PATJ: variants seen among roughly 807,000 people sequenced by gnomAD.
PATJ encodes inaD-like protein.
PATJ carries 190 observed loss-of-function variants against 224.9 expected under a neutral mutation model. The ratio of observed to expected loss-of-function variants is 0.84; its 90% CI spans 0.75 to 0.95. The LOEUF (loss-of-function observed/expected upper bound fraction) is 0.95, where lower values mean the gene tolerates loss of function less well. Among genes scored for constraint, PATJ ranks in the 40% least tolerant of loss-of-function variants. The pLI is 0.00. For synonymous variants in PATJ, 769 were observed against 820.3 expected (o/e 0.94, Z 1.07); for missense variants, 2,121 against 2,270.3 (o/e 0.93, Z 1.34).
intron 15 of PATJ, 147 bp downstream of exon 15, chr1:61,823,226 G>C: frequency 1.4e-6 from 1 of 710,600 alleles, no homozygotes; most frequent in Non-Finnish European, 2.3e-6. Flanking sequence ...CAGCTTACTG[G>C]ATGATAAAGG....
intron 7 of PATJ, among the ~76,000 whole-genome samples, chr1:61,775,931 C>T (rs1213784480): frequency 1.3e-5 from 2 of 152,056 alleles, no homozygotes; most frequent in African/African-American, 2.4e-5. Context: ...TAATAATAAG[C>T]CCATATCATA....
chr1:61,932,349 G>A (rs1404256745), intron 27 of PATJ, among the ~76,000 whole-genome samples: 2 of 152,194 alleles, frequency 1.3e-5, no homozygotes, highest in African/African-American at 4.8e-5. Context: ...GAGCCCATAA[G>A]TTTACTTAGG....
chr1:61,753,554 G>A (rs951289264), intron 1 of PATJ, among the ~76,000 whole-genome samples: 17 of 151,144 alleles, frequency 1.1e-4, no homozygotes, highest in African/African-American at 3.9e-4. Flanking sequence ...ACTCTGTCAC[G>A]GCTGGAGTGC....
chr1:61,873,858 C>G (rs1013141194), intron 20 of PATJ, among the ~76,000 whole-genome samples: 2 of 152,196 alleles, frequency 1.3e-5, no homozygotes, highest in South Asian at 2.1e-4. Context: ...GAATTTGTGT[C>G]TTATGCAGGG....
intron 21 of PATJ, among the ~76,000 whole-genome samples, chr1:61,884,025 T>C (rs1046272575): frequency 3.9e-5 from 6 of 152,088 alleles, no homozygotes; most frequent in African/African-American, 1.4e-4. Flanking sequence ...CCGACTTCTG[T>C]TGAACAATTC....
chr1:61,798,044 G>A (rs1363391599), intron 11 of PATJ, among the ~76,000 whole-genome samples: 2 of 152,158 alleles, frequency 1.3e-5, no homozygotes, highest in Non-Finnish European at 2.9e-5. Context: ...GACCTCAGGT[G>A]ATCTGCCTGC....
intron 27 of PATJ, among the ~76,000 whole-genome samples, chr1:61,970,504 A>G (rs1682818236): frequency 6.6e-6 from 1 of 152,058 alleles, no homozygotes; most frequent in African/African-American, 2.4e-5. Context: ...TTTTACTGCC[A>G]TGAAAATCCT....
chr1:61,950,072 C>G (rs1442594215), intron 27 of PATJ, among the ~76,000 whole-genome samples: 3 of 152,108 alleles, frequency 2.0e-5, no homozygotes, highest in African/African-American at 7.2e-5. Context: ...GGTGTGGTGG[C>G]ACGTGCCTGT....
chr1:61,913,311 T>C (rs1490226983), intron 25 of PATJ, among the ~76,000 whole-genome samples: 3 of 152,148 alleles, frequency 2.0e-5, no homozygotes, highest in Non-Finnish European at 2.9e-5. Flanking sequence ...TGTGGCTCAC[T>C]GTAGCCTCGA....
At chr1:61,973,605 T>G (rs150827420) in intron 27 of PATJ, among the ~76,000 whole-genome samples, 21 of 152,162 alleles carry the variant, frequency 1.4e-4, no homozygotes, top group Non-Finnish European at 2.6e-4. Flanking sequence ...GCGGAGCTCT[T>G]GTTGAGCATT....
Position 61,777,668 on chromosome 1 carries a change from ATATTC to A in PATJ, c.849+2339_849+2343del, listed in dbSNP as rs369918743. 2.3e-3 allele frequency among the ~76,000 whole-genome samples: 311 copies of A among 134,436 alleles called. 1 individual carries two copies. Among genetic ancestry groups the A allele is most frequent in the African/African-American group, 9.3e-3 (300 of 32,418 alleles). 88.2% of individuals were successfully genotyped at this position (134,436 alleles called of 152,430 possible). ...GGAAGGTCTGCATAACTGTGAATGG[ATATTC>A]TATTTTCTTCCTTTTTTCTTTCTTT... On this transcript the variant is annotated intron_variant, in intron 7 of 43. Transcript: ENST00000642238.
chr1:61,816,535 T>C (rs547819214), intron 14 of PATJ: 3 of 152,284 alleles, frequency 2.0e-5, no homozygotes, highest in Admixed American at 6.5e-5. Flanking sequence ...AAAAATAAAT[T>C]TATAAAAAAA....
intron 31 of PATJ, among the ~76,000 whole-genome samples, chr1:62,075,829 AATG>A (rs1269483608): frequency 6.6e-6 from 1 of 151,912 alleles, no homozygotes; most frequent in Non-Finnish European, 1.5e-5. Context: ...GAGGCAGGAG[AATG>A]ATGTGAACCC....
At chr1:62,010,111 A>G (rs546101118) in intron 28 of PATJ, among the ~76,000 whole-genome samples, 1 of 151,706 alleles carries the variant, frequency 6.6e-6, no homozygotes, top group African/African-American at 2.4e-5. Flanking sequence ...GAAAGAAAGA[A>G]ACCAGTTTCT....
At chr1:61,759,555 G>A (rs9436648) in intron 1 of PATJ, among the ~76,000 whole-genome samples, 140,662 of 152,064 alleles carry the variant, frequency 0.93, 65,707 homozygotes, top group East Asian at 1. Context: ...GATTATAGGC[G>A]TCTGCCACCA....
At chr1:62,153,810 AC>A (rs1668870811) in intron 43 of PATJ, among the ~76,000 whole-genome samples, 1 of 152,214 alleles carries the variant, frequency 6.6e-6, no homozygotes, top group Non-Finnish European at 1.5e-5. Flanking sequence ...CTGAGCTAGA[AC>A]AAAAAAAAGA....
At chr1:62,147,423 A>T (rs1396355869) in intron 41 of PATJ, among the ~76,000 whole-genome samples, 2 of 152,178 alleles carry the variant, frequency 1.3e-5, no homozygotes, top group African/African-American at 4.8e-5. Context: ...ACTTTGGGAT[A>T]TCGAGACGGG....
intron 27 of PATJ, among the ~76,000 whole-genome samples, chr1:61,945,804 A>G (rs1678606720): frequency 6.6e-6 from 1 of 152,208 alleles, no homozygotes; most frequent in Non-Finnish European, 1.5e-5. Context: ...AAAATTGACC[A>G]CATAGTTGAA....
At chr1:62,048,280 C>T (rs2148570338) in intron 30 of PATJ, among the ~76,000 whole-genome samples, 1 of 152,182 alleles carries the variant, frequency 6.6e-6, no homozygotes, top group Middle Eastern at 3.4e-3. Flanking sequence ...GGCGTGGTGG[C>T]TCACACTGTA....
Sources: allele counts gnomAD v4.1 joint callset (sites outside exome capture counted in the v4.1 genomes callset), GRCh38; gene constraint gnomAD v4.1.1; transcripts MANE v1.5; gene names NCBI Gene and HGNC (gene_info 2026-07-23, HGNC 2026-07-21).